The following ADARB2 variants were observed in gnomAD, a reference collection of about 807,000 sequenced individuals.
ADARB2 encodes the protein inactive double-stranded RNA-specific editase B2.
Under a neutral mutation model 62.2 loss-of-function variants are expected in ADARB2, and 25 were observed. That is an observed-to-expected ratio of 0.40 (90% confidence interval 0.29 to 0.56). ADARB2 has a LOEUF of 0.56. Ranked by LOEUF, ADARB2 falls within the 20% of genes least tolerant of loss-of-function variation. The pLI, the probability that ADARB2 is intolerant of heterozygous loss-of-function variation, is 0.43. For synonymous variants in ADARB2, 572 were observed against 500.8 expected (o/e 1.14, Z -1.90); for missense variants, 1,071 against 1,077.4 (o/e 0.99, Z 0.08).
intron 6 of ADARB2, among the ~76,000 whole-genome samples, chr10:1,223,817 C>T (rs536546404): frequency 3.9e-5 from 6 of 152,204 alleles, no homozygotes; most frequent in African/African-American, 7.2e-5. Flanking sequence ...CTGCTGGATT[C>T]GTTTTGCCCG....
intron 1 of ADARB2, chr10:1,674,990 C>T (rs1834444240): frequency 1.0e-6 from 1 of 956,586 alleles, no homozygotes; most frequent in African/African-American, 2.0e-5. Flanking sequence ...TTGGGGGGTA[C>T]ATGGATATTC....
chr10:1,490,041 C>T (rs1427248215), intron 1 of ADARB2, among the ~76,000 whole-genome samples: 2 of 152,196 alleles, frequency 1.3e-5, no homozygotes, highest in African/African-American at 2.4e-5. Context: ...AACAGAAGCA[C>T]ACGTTAGCTG....
At chr10:1,204,149 C>T (rs998343613) in intron 7 of ADARB2, among the ~76,000 whole-genome samples, 4 of 152,166 alleles carry the variant, frequency 2.6e-5, no homozygotes, top group African/African-American at 9.7e-5. Context: ...ACACCTTCTT[C>T]CTCCCACCTT....
At chr10:1,184,570 C>G (rs1028028416) in intron 9 of ADARB2, among the ~76,000 whole-genome samples, 1 of 152,236 alleles carries the variant, frequency 6.6e-6, no homozygotes, top group Non-Finnish European at 1.5e-5. Flanking sequence ...TGGGACACCC[C>G]GAACAAAGCA....
At chr10:1,495,434 G>T (rs900373473) in intron 1 of ADARB2, among the ~76,000 whole-genome samples, 1 of 152,270 alleles carries the variant, frequency 6.6e-6, no homozygotes, top group South Asian at 2.1e-4. Context: ...TATCATAGAG[G>T]TTATTTTGCC....
intron 1 of ADARB2, among the ~76,000 whole-genome samples, chr10:1,459,761 CA>C (rs371334488): frequency 6.6e-5 from 10 of 150,914 alleles, no homozygotes; most frequent in East Asian, 3.9e-4. Context: ...AACTCTGTCT[CA>C]AAAAAAAAGA....
At chr10:1,510,774 C>A (rs750404324) in intron 1 of ADARB2, among the ~76,000 whole-genome samples, 42 of 152,108 alleles carry the variant, frequency 2.8e-4, no homozygotes, top group Non-Finnish European at 5.9e-5. Context: ...TAGCCCAAAG[C>A]CAGGCTAGAA....
chr10:1,541,049 T>C (rs1376749786), intron 1 of ADARB2, among the ~76,000 whole-genome samples: 1 of 71,834 alleles, frequency 1.4e-5, no homozygotes, highest in Non-Finnish European at 2.8e-5. Flanking sequence ...GTTCAGACCC[T>C]GGATCACAGC....
At chr10:1,540,947 C>T (rs377626271) in intron 1 of ADARB2, among the ~76,000 whole-genome samples, 1 of 61,042 alleles carries the variant, frequency 1.6e-5, no homozygotes. Context: ...CCCACTCAGA[C>T]GCAGTTCAGA....
intron 1 of ADARB2, among the ~76,000 whole-genome samples, chr10:1,474,050 G>A (rs1831364782): frequency 6.6e-6 from 1 of 152,292 alleles, no homozygotes; most frequent in South Asian, 2.1e-4. Flanking sequence ...CAGGAGACAT[G>A]CCTTTCCTTG....
chr10:1,187,552 C>T (rs1296471010), intron 8 of ADARB2, among the ~76,000 whole-genome samples: 1 of 152,270 alleles, frequency 6.6e-6, no homozygotes, highest in African/African-American at 2.4e-5. Context: ...TGTCAGGATG[C>T]CCTGGCTCCG....
intron 1 of ADARB2, among the ~76,000 whole-genome samples, chr10:1,684,184 G>A (rs1226072474): frequency 4.6e-5 from 7 of 152,176 alleles, no homozygotes; most frequent in Admixed American, 2.0e-4. Flanking sequence ...CCAAAATAAC[G>A]TTCCTCTGAA....
At chr10:1,364,030 A>G in intron 2 of ADARB2, 113 bp from the exon 3 acceptor site, 1 of 1,350,352 alleles carries the variant, frequency 7.4e-7, no homozygotes, top group Non-Finnish European at 9.6e-7. Flanking sequence ...CCGCGCCCCC[A>G]GGTCAGGCCT....
At chr10:1,219,912 GTGGCGATGA>G (rs201389921) in intron 6 of ADARB2, among the ~76,000 whole-genome samples, 1 of 144,632 alleles carries the variant, frequency 6.9e-6, no homozygotes, top group South Asian at 2.3e-4. Context: ...GGTAATGGTG[GTGGCGATGA>G]TGGTGATGGT....
chr10:1,380,749 G>C (rs527736240), intron 1 of ADARB2, among the ~76,000 whole-genome samples: 1 of 152,288 alleles, frequency 6.6e-6, no homozygotes, highest in East Asian at 1.9e-4. Context: ...GAATAAACCA[G>C]GGAAGGGTTT....
At chr10:1,410,933 C>G (rs558769991) in intron 1 of ADARB2, among the ~76,000 whole-genome samples, 74 of 152,308 alleles carry the variant, frequency 4.9e-4, no homozygotes, top group African/African-American at 1.8e-3. Flanking sequence ...TCCCGAGCTG[C>G]GCCCTGTCCT....
At position 1,199,985 on chromosome 10, in the gene ADARB2, G is replaced by C; in HGVS notation, c.1845C>G (p.His615Gln). The C allele has an allele frequency of 1.3e-6, 2 of 1,566,668 alleles. No homozygotes were observed. Among genetic ancestry groups the C allele is most frequent in the South Asian group, 2.3e-5 (2 of 86,684 alleles). The change falls in exon 8 of 10, where the codon CAC becomes CAG. Residue 615 changes from histidine to glutamine, a missense_variant. By Grantham distance (24) the His-to-Gln change is conservative. Coordinates refer to ENST00000381312, the MANE Select transcript of ADARB2 (RefSeq NM_018702.4). ...TCTTACCGCTGAGGAGAGGCCGGTT[G>C]TGCCGGTAGGAGGCGGGCAGCTGGC... Reference protein sequence around the residue: ...GVGQLPASYRHNRPLLSGVSD... With the variant: ...GVGQLPASYRQNRPLLSGVSD...
At chr10:1,319,626 T>TC (rs1831777562) in intron 3 of ADARB2, among the ~76,000 whole-genome samples, 1 of 152,206 alleles carries the variant, frequency 6.6e-6, no homozygotes, top group African/African-American at 2.4e-5. Flanking sequence ...AAGAGTCTAT[T>TC]CCATGACGAA....
At chr10:1,488,896 T>TCA (rs1831585596) in intron 1 of ADARB2, among the ~76,000 whole-genome samples, 1 of 152,188 alleles carries the variant, frequency 6.6e-6, no homozygotes, top group African/African-American at 2.4e-5. Context: ...CAGGATGAGA[T>TCA]GGGAACACAT....
Sources: allele counts gnomAD v4.1 joint callset (sites outside exome capture counted in the v4.1 genomes callset), GRCh38; gene constraint gnomAD v4.1.1; transcripts MANE v1.5; gene names NCBI Gene and HGNC (gene_info 2026-07-23, HGNC 2026-07-21).